TDRD5: variants seen among roughly 807,000 people sequenced by gnomAD.
TDRD5 encodes the protein tudor domain-containing protein 5.
In TDRD5, 41 loss-of-function variants were observed where a neutral mutation model predicts 120.6. The ratio of observed to expected loss-of-function variants is 0.34; its 90% CI spans 0.26 to 0.44. The LOEUF is 0.44. Ranked by LOEUF, TDRD5 falls within the 20% of genes least tolerant of loss-of-function variation. TDRD5 has a pLI of 1.00. For missense variants in TDRD5, 1,006 were observed against 1,221.2 expected, an observed-to-expected ratio of 0.82 and a Z score of 2.63; for synonymous variants, 430 against 433.7, an observed-to-expected ratio of 0.99 and a Z score of 0.11.
At chr1:179,673,616 G>A (rs946074595) in intron 17 of TDRD5, among the ~76,000 whole-genome samples, 1 of 152,136 alleles carries the variant, frequency 6.6e-6, no homozygotes, top group African/African-American at 2.4e-5. Context: ...GAAGCAGGGA[G>A]GGAGCTTCCA....
At chr1:179,676,143 T>C (rs1299582983) in intron 17 of TDRD5, among the ~76,000 whole-genome samples, 1 of 152,210 alleles carries the variant, frequency 6.6e-6, no homozygotes, top group African/African-American at 2.4e-5. Context: ...GCTTTAAAGT[T>C]TATTTTGTCT....
intron 12 of TDRD5, 150 bp downstream of exon 12, chr1:179,651,217 C>CT: frequency 1.2e-6 from 1 of 816,852 alleles, no homozygotes; most frequent in Non-Finnish European, 1.8e-6. Flanking sequence ...GCAGAGCACT[C>CT]TTAATTTTCA....
chr1:179,634,686 A>T, intron 8 of TDRD5, 57 bp downstream of exon 8: 3 of 1,512,212 alleles, frequency 2.0e-6, no homozygotes, highest in Non-Finnish European at 2.6e-6. Context: ...AAGTAAATGA[A>T]TGTGTGTTTC....
chr1:179,684,249 C>T (rs997531598), intron 17 of TDRD5, among the ~76,000 whole-genome samples: 10 of 152,140 alleles, frequency 6.6e-5, no homozygotes, highest in African/African-American at 2.4e-4. Context: ...ATCCTGTGTC[C>T]AAATGTTCTC....
At chr1:179,650,820 C>A in intron 11 of TDRD5, 47 bp from the exon 12 acceptor site, 1 of 1,581,500 alleles carries the variant, frequency 6.3e-7, no homozygotes, top group South Asian at 1.1e-5. Flanking sequence ...TATTATAATT[C>A]ATGTTTAGAT....
chr1:179,686,350 G>C (rs1349439949), intron 17 of TDRD5, among the ~76,000 whole-genome samples: 1 of 152,210 alleles, frequency 6.6e-6, no homozygotes, highest in African/African-American at 2.4e-5. Flanking sequence ...TACGTTTATT[G>C]ATTTGCATAT....
intron 11 of TDRD5, among the ~76,000 whole-genome samples, chr1:179,644,089 G>T (rs1678207962): frequency 6.6e-6 from 1 of 151,992 alleles, no homozygotes; most frequent in Non-Finnish European, 1.5e-5. Flanking sequence ...ATGAAGAAAC[G>T]GAGACATTTT....
At chr1:179,634,683 T>C in intron 8 of TDRD5, 54 bp downstream of exon 8, 1 of 1,516,122 alleles carries the variant, frequency 6.6e-7, no homozygotes, top group Non-Finnish European at 8.8e-7. Context: ...GGAAAGTAAA[T>C]GAATGTGTGT....
intron 17 of TDRD5, among the ~76,000 whole-genome samples, chr1:179,686,451 TTTA>T (rs1262840872): frequency 1.3e-5 from 2 of 152,328 alleles, no homozygotes; most frequent in East Asian, 3.9e-4. Flanking sequence ...TTGCCAGTAT[TTTA>T]TTGAGGATTT....
At chr1:179,689,591 G>A (rs906513194) in intron 17 of TDRD5, among the ~76,000 whole-genome samples, 1 of 152,158 alleles carries the variant, frequency 6.6e-6, no homozygotes, top group African/African-American at 2.4e-5. Flanking sequence ...GTCAGCCAGG[G>A]ACGTTTAAGT....
intron 4 of TDRD5, among the ~76,000 whole-genome samples, chr1:179,612,186 A>C (rs1016512205): frequency 6.6e-6 from 1 of 152,194 alleles, no homozygotes; most frequent in African/African-American, 2.4e-5. Context: ...TTGTCACAAG[A>C]AAATATTATT....
chr1:179,614,421 G>C (rs1676452168), intron 4 of TDRD5, among the ~76,000 whole-genome samples: 2 of 152,098 alleles, frequency 1.3e-5, no homozygotes, highest in African/African-American at 4.8e-5. Flanking sequence ...TCTATTTTCA[G>C]TTTTTGCTAT....
At chr1:179,621,757 T>A (rs1022314663) in intron 6 of TDRD5, among the ~76,000 whole-genome samples, 10 of 152,208 alleles carry the variant, frequency 6.6e-5, no homozygotes, top group African/African-American at 2.4e-4. Context: ...TTTAAAAAGA[T>A]AAGTCCTATA....
rs1264045296 is a variant in TDRD5, at chr1:179,634,593, C to T, written c.1263C>T (p.Cys421=). 2 of 1,613,746 alleles carry T rather than the reference C, an allele frequency of 1.2e-6. No individual in the cohort carries two copies. The highest frequency in any genetic ancestry group is 1.7e-6 in the Non-Finnish European group (2 of 1,179,902). ...KKQKEPQQKI[C]KKPNLVVKPL... is the part of the protein sequence containing the mutation. The stretch of plus-strand genomic sequence containing the variant: ...AAAAAGAGCCACAACAGAAGATTTG[C>T]AAGAAGCCTAATCTGGTGGTAAAGC... Residue 421 remains cysteine (C), a synonymous_variant, in exon 8 of 18, where the codon TGC becomes TGT. Coordinates refer to ENST00000444136, the MANE Select transcript of TDRD5 (RefSeq NM_001199085.3).
intron 11 of TDRD5, among the ~76,000 whole-genome samples, chr1:179,649,848 C>T (rs1678614368): frequency 6.6e-6 from 1 of 152,142 alleles, no homozygotes; most frequent in South Asian, 2.1e-4. Flanking sequence ...TTGTCTACCT[C>T]CAGAGAGGAT....
chr1:179,684,092 C>T (rs914908122), intron 17 of TDRD5, among the ~76,000 whole-genome samples: 5 of 152,096 alleles, frequency 3.3e-5, no homozygotes, highest in African/African-American at 1.2e-4. Flanking sequence ...TACATGTGCA[C>T]AGCGTGCAGG....
At chr1:179,657,468 G>A (rs989725398) in intron 14 of TDRD5, among the ~76,000 whole-genome samples, 1 of 151,890 alleles carries the variant, frequency 6.6e-6, no homozygotes, top group Non-Finnish European at 1.5e-5. Context: ...TCCATTCTAG[G>A]GGGTGTTTTG....
Position 179,597,007 on chromosome 1 carries a change from T to G in TDRD5, c.831+1189T>G, listed in dbSNP as rs75107659. ...AATATTAGCCATTTGAGTGGGTGTG[T>G]AGTGCTATCTCATGGTTTTAAGTTG... On this transcript the variant is annotated intron_variant, in intron 4 of 17. Transcript: ENST00000444136. Among the ~76,000 whole-genome samples the G allele has an allele frequency of 1.3e-3, 191 of 152,358 alleles. No homozygotes were observed. The East Asian group carries it at 0.02, about 16-fold the overall frequency.
intron 14 of TDRD5, among the ~76,000 whole-genome samples, chr1:179,654,609 A>G (rs1678899042): frequency 6.6e-6 from 1 of 152,040 alleles, no homozygotes; most frequent in Admixed American, 6.6e-5. Flanking sequence ...TACAAAATGT[A>G]CCAAAAAAAA....
Sources: gnomAD v4.1 joint callset for allele counts (sites outside exome capture counted in the v4.1 genomes callset) on GRCh38, gnomAD v4.1.1 for gene constraint, MANE v1.5 for transcripts, NCBI Gene and HGNC (gene_info 2026-07-23, HGNC 2026-07-21) for gene names.